The following NDRG1 variants were observed in gnomAD, a reference collection of about 807,000 sequenced individuals.
The protein encoded by NDRG1 is N-myc downstream regulated 1.
In NDRG1, 32 loss-of-function variants were observed where a neutral mutation model predicts 56.9. The observed-to-expected ratio is 0.56, with a 90% confidence interval of 0.42 to 0.76. The LOEUF (loss-of-function observed/expected upper bound fraction) is 0.76, where lower values mean the gene tolerates loss of function less well. Among genes scored for constraint, NDRG1 ranks in the 30% least tolerant of loss-of-function variants. The pLI is 0.00. For missense variants in NDRG1, 507 were observed against 545.7 expected (o/e 0.93, Z 0.71); for synonymous variants, 211 against 204.1 (o/e 1.03, Z -0.29).
intron 3 of NDRG1, among the ~76,000 whole-genome samples, chr8:133,273,643 T>C (rs1857305872): frequency 6.6e-6 from 1 of 152,232 alleles, no homozygotes; most frequent in Non-Finnish European, 1.5e-5. Flanking sequence ...CGGAAGCAGA[T>C]GGATCTAAGT....
In NDRG1 at chr8:133,239,069, A is replaced by C. The variant is rs1209623801; in HGVS notation, c.994T>G (p.Ser332Ala). 6.3e-7 allele frequency: 1 copy of C among 1,584,858 alleles called. No homozygotes were observed. Among genetic ancestry groups the C allele is most frequent in the East Asian group, 2.3e-5 (1 of 43,738 alleles). ...GTGCCATCCAGAGAAGTGACGCTGG[A>C]ACCAGAGGCTGTGCGGGACCGCATC... ...RLMRSRTASG[S>A]SVTSLDGTRS... Residue 332 changes from serine to alanine, a missense_variant, in exon 16 of 16, where the codon TCC (serine) becomes GCC (alanine). Physicochemically the swap from Ser to Ala is moderately conservative, Grantham distance 99 (BLOSUM62 1). Transcript: ENST00000323851.
chr8:133,247,648 A>T (rs1234577633), intron 12 of NDRG1, among the ~76,000 whole-genome samples: 1 of 152,162 alleles, frequency 6.6e-6, no homozygotes, highest in Admixed American at 6.5e-5. Flanking sequence ...CTGGCGGGTG[A>T]GGGGACCTGG....
chr8:133,283,150 A>C (rs1180794233), intron 2 of NDRG1, among the ~76,000 whole-genome samples: 2 of 152,248 alleles, frequency 1.3e-5, no homozygotes, highest in Non-Finnish European at 2.9e-5. Flanking sequence ...TATGCAAAGA[A>C]GACAAATTAA....
At position 133,246,598 on chromosome 8, in the gene NDRG1, C is replaced by T; in HGVS notation, c.855+18G>A. Reference sequence around the variant, plus strand: ...TCTAAGAAATAACAAACACGAACCCCCACTGTTTTCCCTGTACCTTGAGGA... The same window carrying T: ...TCTAAGAAATAACAAACACGAACCCTCACTGTTTTCCCTGTACCTTGAGGA... On this transcript the variant is annotated intron_variant, in intron 13 of 15. Transcript: ENST00000323851. 6.2e-7 allele frequency: 1 copy of T among 1,613,902 alleles called. No homozygotes were observed. Among genetic ancestry groups the T allele is most frequent in the Non-Finnish European group, 8.5e-7 (1 of 1,179,770 alleles).
At chr8:133,271,901 G>A (rs1857211800) in intron 3 of NDRG1, among the ~76,000 whole-genome samples, 1 of 148,812 alleles carries the variant, frequency 6.7e-6, no homozygotes, top group African/African-American at 2.4e-5. Flanking sequence ...CACTTACTGA[G>A]CAAGTCTGAT....
chr8:133,254,164 G>A (rs1368411931), intron 9 of NDRG1, among the ~76,000 whole-genome samples: 1 of 152,106 alleles, frequency 6.6e-6, no homozygotes, highest in African/African-American at 2.4e-5. Flanking sequence ...GGCCAATGCT[G>A]ATCAGAAGTT....
In NDRG1 at chr8:133,272,108, C is replaced by T. The variant is rs542569195; in HGVS notation, c.100-7456G>A. 2.6e-5 allele frequency among the ~76,000 whole-genome samples: 4 copies of T among 152,326 alleles called. No homozygotes were observed. In the East Asian group the frequency reaches 7.7e-4, roughly 29 times the overall value. On this transcript the variant is annotated intron_variant, in intron 3 of 15. Transcript: ENST00000323851. The stretch of plus-strand genomic sequence containing the variant: ...GTCAAGCTGGGCCTGTCACTTCTCG[C>T]TTCATTCCCCAGTCTTCTTTTATGT...
At chr8:133,278,283 A>G (rs1207561407) in intron 3 of NDRG1, among the ~76,000 whole-genome samples, 1 of 116,224 alleles carries the variant, frequency 8.6e-6, no homozygotes, top group Non-Finnish European at 1.8e-5. Context: ...ATTTTTTCCC[A>G]TTCTCAGGAG....
chr8:133,248,973 C>G (rs536481162), intron 10 of NDRG1, among the ~76,000 whole-genome samples: 3 of 152,174 alleles, frequency 2.0e-5, no homozygotes, highest in Non-Finnish European at 4.4e-5. Context: ...CAGCACAACA[C>G]ATGCATTTCA....
chr8:133,259,523 T>C (rs571402024), intron 5 of NDRG1: 11 of 469,902 alleles, frequency 2.3e-5, no homozygotes, highest in South Asian at 2.1e-4. Flanking sequence ...ATTATAAACA[T>C]CACTGAGGCT....
At chr8:133,256,727 T>C (rs766925982) in intron 8 of NDRG1, 50 bp downstream of exon 8, 2 of 1,566,258 alleles carry the variant, frequency 1.3e-6, no homozygotes, top group South Asian at 1.1e-5. Flanking sequence ...TGTGTGCACC[T>C]GTCCCTCTTC....
chr8:133,244,133 T>TG (rs1489301220), intron 14 of NDRG1, among the ~76,000 whole-genome samples: 1 of 152,182 alleles, frequency 6.6e-6, no homozygotes, highest in African/African-American at 2.4e-5. Context: ...TGTGTCTACT[T>TG]GGCAAATCCC....
intron 15 of NDRG1, chr8:133,239,443 A>G: frequency 1.9e-6 from 1 of 525,052 alleles, no homozygotes; most frequent in South Asian, 2.1e-5. Context: ...CCATCTGTAA[A>G]GCAAGTATGT....
intron 1 of NDRG1, among the ~76,000 whole-genome samples, chr8:133,287,941 A>ACG (rs944621280): frequency 2.8e-5 from 4 of 143,982 alleles, no homozygotes; most frequent in African/African-American, 1.1e-4. Flanking sequence ...ATGCGTGCAC[A>ACG]CACGCACACA....
intron 3 of NDRG1, among the ~76,000 whole-genome samples, chr8:133,274,493 A>G (rs140908343): frequency 1.4e-4 from 22 of 152,350 alleles, no homozygotes; most frequent in African/African-American, 4.6e-4. Flanking sequence ...CCAGGAGGGA[A>G]GCTATGCCCA....
chr8:133,283,869 T>C (rs911064792), intron 2 of NDRG1, among the ~76,000 whole-genome samples: 1 of 152,232 alleles, frequency 6.6e-6, no homozygotes, highest in Non-Finnish European at 1.5e-5. Flanking sequence ...ATGTTGCATG[T>C]TCTATAACCA....
chr8:133,256,896 C>T (rs1292271440), intron 7 of NDRG1, 33 bp from the exon 8 acceptor site: 1 of 1,594,626 alleles, frequency 6.3e-7, no homozygotes, highest in East Asian at 2.2e-5. Context: ...AGACAGACAT[C>T]CCAGCAATCT....
intron 15 of NDRG1, chr8:133,239,349 AC>A: frequency 1.5e-6 from 1 of 684,140 alleles, no homozygotes; most frequent in Non-Finnish European, 2.4e-6. Context: ...AGTGACTTGA[AC>A]CCAGATCTGG....
chr8:133,248,671 G>C (rs779765074), intron 11 of NDRG1, 44 bp downstream of exon 11: 8 of 1,609,634 alleles, frequency 5.0e-6, no homozygotes, highest in Non-Finnish European at 2.6e-6. Flanking sequence ...CTTTATAGTG[G>C]GCAGCCCCGA....
Sources: gnomAD v4.1 joint callset for allele counts (sites outside exome capture counted in the v4.1 genomes callset) on GRCh38, gnomAD v4.1.1 for gene constraint, MANE v1.5 for transcripts, NCBI Gene and HGNC (gene_info 2026-07-23, HGNC 2026-07-21) for gene names.